MESD: variants seen among roughly 807,000 people sequenced by gnomAD.
The protein encoded by MESD is LRP chaperone MESD.
A neutral mutation model predicts 12.9 loss-of-function variants in MESD; 7 were observed. That is an observed-to-expected ratio of 0.54 (90% confidence interval 0.31 to 1.02). The LOEUF is 1.02. Among genes scored for constraint, MESD ranks in the 50% least tolerant of loss-of-function variants. The pLI is 0.05. For synonymous variants in MESD, 126 were observed against 115.6 expected (o/e 1.09, Z -0.58); for missense variants, 342 against 296.7 (o/e 1.15, Z -1.12).
At chr15:80,989,444 G>T in intron 1 of MESD, 135 bp downstream of exon 1, 1 of 1,060,616 alleles carries the variant, frequency 9.4e-7, no homozygotes, top group Non-Finnish European at 1.4e-6. Context: ...TGGCTTCAGT[G>T]GGTCAGTAAG....
At chr15:80,955,396 A>C (rs1901949345) in intron 3 of MESD, among the ~76,000 whole-genome samples, 2 of 147,606 alleles carry the variant, frequency 1.4e-5, no homozygotes, top group African/African-American at 2.5e-5. Flanking sequence ...AGGCTGAGGC[A>C]GGAGAATGGC....
At chr15:80,966,500 C>A (rs1022888403) in intron 3 of MESD, among the ~76,000 whole-genome samples, 3 of 152,184 alleles carry the variant, frequency 2.0e-5, no homozygotes, top group Non-Finnish European at 4.4e-5. Context: ...ACAGAGAGAC[C>A]TGAGAGCTCA....
chr15:80,957,765 A>C (rs1309875758), intron 3 of MESD, among the ~76,000 whole-genome samples: 3 of 152,216 alleles, frequency 2.0e-5, no homozygotes, highest in Admixed American at 2.0e-4. Context: ...GTTTCAGCTC[A>C]GCCCAAAAAG....
rs12438167 is a variant in MESD, at chr15:80,957,391, C to T, written c.*289-5095G>A. On this transcript the variant is annotated intron_variant, in intron 3 of 4. Coordinates refer to the MESD transcript ENST00000561312. The stretch of plus-strand genomic sequence containing the variant: ...ACAGCAGTAACAGTATGTAACCAAC[C>T]TAGGTTTCCCAGCTAAAAATGAAAG... 6.6e-5 allele frequency among the ~76,000 whole-genome samples: 10 copies of T among 152,232 alleles called. No homozygotes were observed. In the East Asian group the frequency reaches 1.9e-3, roughly 29 times the overall value.
At chr15:80,989,447 T>C in intron 1 of MESD, 132 bp downstream of exon 1, 1 of 1,089,812 alleles carries the variant, frequency 9.2e-7, no homozygotes, top group Non-Finnish European at 1.3e-6. Context: ...CTTCAGTGGG[T>C]CAGTAAGGAT....
intron 3 of MESD, among the ~76,000 whole-genome samples, chr15:80,960,155 G>A (rs1247647377): frequency 6.6e-6 from 1 of 152,082 alleles, no homozygotes; most frequent in African/African-American, 2.4e-5. Context: ...CTTGAGCCCA[G>A]GAGTTCAAGG....
rs1902418720 is a variant in MESD, at chr15:80,976,403, G to A, written c.*2816C>T. On this transcript the variant is annotated 3_prime_UTR_variant, in exon 3 of 3. Coordinates refer to ENST00000261758, the MANE Select transcript of MESD (RefSeq NM_015154.3). Reference sequence around the variant, plus strand: ...TTGCTTGAAGGCTGGGGCTGGAAATGTTTAAATCTTATCCACATGTCTGTG... The same window carrying A: ...TTGCTTGAAGGCTGGGGCTGGAAATATTTAAATCTTATCCACATGTCTGTG... 1 of 152,426 alleles carries A rather than the reference G, an allele frequency of 6.6e-6. No individual in the cohort carries two copies. The highest frequency in any genetic ancestry group is 1.5e-5 in the Non-Finnish European group (1 of 68,152). 9.4% of individuals were successfully genotyped at this position (152,426 alleles called of 1,614,324 possible).
chr15:80,982,198 A>G lies in MESD; in HGVS notation c.214-16T>C. 1 of 1,602,560 alleles carries G rather than the reference A, an allele frequency of 6.2e-7. No individual in the cohort carries two copies. Among genetic ancestry groups the G allele is most frequent in the Non-Finnish European group, 8.5e-7 (1 of 1,170,492 alleles). ...CATCATCTTTCTATCAGATTAGGGGAAAAGCATCAAACCTATCATCAGAAT... is the reference window on the plus strand; with the variant it reads ...CATCATCTTTCTATCAGATTAGGGGGAAAGCATCAAACCTATCATCAGAAT... On this transcript the variant is annotated splice_polypyrimidine_tract_variant and intron_variant, in intron 1 of 2. Coordinates refer to ENST00000261758, the MANE Select transcript of MESD (RefSeq NM_015154.3).
intron 3 of MESD, among the ~76,000 whole-genome samples, chr15:80,953,993 C>A (rs1901910025): frequency 6.6e-6 from 1 of 152,158 alleles, no homozygotes; most frequent in Non-Finnish European, 1.5e-5. Flanking sequence ...CTTCCTCATC[C>A]CCAATCCCCA....
intron 4 of MESD, chr15:80,949,343 A>C: frequency 3.2e-6 from 1 of 311,540 alleles, no homozygotes; most frequent in Non-Finnish European, 6.3e-6. Context: ...TCAGCAGACA[A>C]GTGAGGGTGG....
In MESD at chr15:80,979,496, A is replaced by G. The variant is rs1026155284; in HGVS notation, c.447-19T>C. The G allele has an allele frequency of 6.2e-6, 10 of 1,610,596 alleles. No individual in the cohort carries two copies. In the Admixed American group the frequency reaches 8.3e-5, roughly 13 times the overall value. On this transcript the variant is annotated intron_variant, in intron 2 of 2. Transcript: ENST00000261758. ...AATGAACCTTGGGCAGAGAGATGCA[A>G]TCAGTCAGCCAGCACGTACTAGTAA... is the stretch of plus-strand genomic sequence containing the variant.
At chr15:80,982,878 C>G (rs951638555) in intron 1 of MESD, among the ~76,000 whole-genome samples, 2 of 151,880 alleles carry the variant, frequency 1.3e-5, no homozygotes, top group Non-Finnish European at 2.9e-5. Flanking sequence ...GCCAGGAGTT[C>G]GACATCAGCC....
At chr15:80,957,644 CAGAGACCAACA>C (rs1902012122) in intron 3 of MESD, among the ~76,000 whole-genome samples, 5 of 152,028 alleles carry the variant, frequency 3.3e-5, no homozygotes, top group Admixed American at 3.3e-4. Context: ...CATGCAATTA[CAGAGACCAACA>C]AGTCCTAAGA....
At chr15:80,980,908 C>CT (rs1902557344) in intron 2 of MESD, among the ~76,000 whole-genome samples, 1 of 151,472 alleles carries the variant, frequency 6.6e-6, no homozygotes. Flanking sequence ...ACTGCAACCT[C>CT]TGCCTCCCAG....
rs1439275354 is a variant in MESD at position 80,963,453 on chromosome 15, G to C, written c.*289-11157C>G. On this transcript the variant is annotated intron_variant, in intron 3 of 4. Transcript: ENST00000561312. ...GAAACTATTCCAATCAATAGAAAAA[G>C]AGGGAATCCTCCCTAACTCATTTTA... 2.0e-5 allele frequency among the ~76,000 whole-genome samples: 3 copies of C among 152,194 alleles called. No homozygotes were observed. In the East Asian group the frequency reaches 5.8e-4, roughly 29 times the overall value.
At chr15:80,962,913 C>G (rs754339725) in intron 3 of MESD, among the ~76,000 whole-genome samples, 4 of 152,104 alleles carry the variant, frequency 2.6e-5, no homozygotes, top group Non-Finnish European at 5.9e-5. Flanking sequence ...ACCCTAACAT[C>G]ACAATTAAAA....
chr15:80,977,721 C>T lies in MESD; in HGVS notation c.*1498G>A, dbSNP rs1286705561. ...ACTCGTTTATGCCACCAGGGTGTGG[C>T]GCTCTCTCCCCACTGTCAGACAGTT... On this transcript the variant is annotated 3_prime_UTR_variant, in exon 3 of 3. Transcript: ENST00000261758. 6.6e-6 allele frequency: 1 copy of T among 152,182 alleles called. No individual in the cohort carries two copies. Among genetic ancestry groups the T allele is most frequent in the Non-Finnish European group, 1.5e-5 (1 of 68,050 alleles). 9.4% of individuals were successfully genotyped at this position (152,182 alleles called of 1,614,324 possible). A position where few individuals can be genotyped will look rare whatever the true frequency, so the allele number is the denominator to read the frequency against.
chr15:80,986,544 T>C (rs7174565), intron 1 of MESD, among the ~76,000 whole-genome samples: 48,993 of 152,118 alleles, frequency 0.32, 11,194 homozygotes, highest in African/African-American at 0.65. Context: ...AATTATTATA[T>C]GTTAAAATTG....
At chr15:80,984,985 T>G (rs1050499728) in intron 1 of MESD, among the ~76,000 whole-genome samples, 7 of 152,252 alleles carry the variant, frequency 4.6e-5, no homozygotes, top group Non-Finnish European at 1.0e-4. Context: ...TGTGTGACCC[T>G]GCCTAAGAAT....
Sources: allele counts gnomAD v4.1 joint callset (sites outside exome capture counted in the v4.1 genomes callset), GRCh38; gene constraint gnomAD v4.1.1; transcripts MANE v1.5; gene names NCBI Gene and HGNC (gene_info 2026-07-23, HGNC 2026-07-21).